Variants in ACSM3 observed in about 807,000 individuals in gnomAD.
The protein encoded by ACSM3 is acyl-CoA synthetase medium chain family member 3, also known as acyl-coenzyme A synthetase ACSM3, mitochondrial.
ACSM3 carries 61 observed loss-of-function variants against 74.1 expected under a neutral mutation model. That is an observed-to-expected ratio of 0.82 (90% CI 0.67 to 1.02). ACSM3 has a LOEUF of 1.02. Among genes scored for constraint, ACSM3 ranks in the 50% least tolerant of loss-of-function variants. The pLI, the probability that ACSM3 is intolerant of heterozygous loss-of-function variation, is 0.00. For synonymous variants in ACSM3, 213 were observed against 241.5 expected (o/e 0.88, Z 1.09); for missense variants, 660 against 697.0 (o/e 0.95, Z 0.60).
rs2080440738 is a variant in ACSM3, at chr16:20,785,022, G to A, written c.1058G>A (p.Gly353Glu). 3.7e-6 allele frequency: 6 copies of A among 1,613,662 alleles called. No individual in the cohort carries two copies. The highest frequency in any genetic ancestry group is 5.1e-6 in the Non-Finnish European group (6 of 1,179,712). The change falls in exon 8 of 14, where the codon GGG (glycine) becomes GAG (glutamate). Residue 353 changes from glycine to glutamate, a missense_variant. Transcript: ENST00000289416. ...AGCTTAAAGCACTGTGTGAGTGCTG[G>A]GGAACCAATTACCCCTGACGTGACT... ...FKSLKHCVSAGEPITPDVTEK... is the reference protein window; with the variant it reads ...FKSLKHCVSAEEPITPDVTEK...
At chr16:20,676,072 G>A (rs1369922475) in intron 1 of ACSM3, 1 of 152,174 alleles carries the variant, frequency 6.6e-6, no homozygotes, top group African/African-American at 2.4e-5. Context: ...CTTTACCAAG[G>A]CTAACTGCCC....
chr16:20,719,397 C>T, intron 1 of ACSM3: 1 of 240,192 alleles, frequency 4.2e-6, no homozygotes, highest in Non-Finnish European at 9.1e-6. Context: ...AAGTCATGTC[C>T]TCCAGCTAGA....
chr16:20,728,517 T>C lies in ACSM3; in HGVS notation c.-189-21393T>C, dbSNP rs569900667. ...ATGAGGATAGAAAGTGCTAGTCATG[T>C]CTTAATACAGACTTTGGTCCAAATT... On this transcript the variant is annotated intron_variant, in intron 1 of 3. Transcript: ENST00000561584. 59 of 869,958 alleles carry C rather than the reference T, an allele frequency of 6.8e-5. 1 individual carries two copies. In the South Asian group the frequency reaches 7.8e-4, roughly 11 times the overall value. 53.9% of individuals were successfully genotyped at this position (869,958 alleles called of 1,614,324 possible).
At chr16:20,741,908 A>G (rs1418345880) in intron 1 of ACSM3, 1 of 1,534,418 alleles carries the variant, frequency 6.5e-7, no homozygotes, top group Admixed American at 2.0e-5. Context: ...TGCAATCGTG[A>G]AAGGGGTGGA....
At chr16:20,784,871 G>A (rs2080436495) in intron 7 of ACSM3, 113 bp from the exon 8 acceptor site, 1 of 1,164,066 alleles carries the variant, frequency 8.6e-7, no homozygotes, top group Admixed American at 2.6e-5. Flanking sequence ...GCTAGGGAGA[G>A]GAATTAAAAA....
intron 3 of ACSM3, 120 bp downstream of exon 3, chr16:20,776,169 T>A: frequency 9.3e-7 from 1 of 1,079,704 alleles, no homozygotes; most frequent in Non-Finnish European, 1.3e-6. Context: ...AGAGTGCCTT[T>A]AAATTATATA....
chr16:20,700,889 G>A (rs1398641018), intron 1 of ACSM3, among the ~76,000 whole-genome samples: 2 of 152,158 alleles, frequency 1.3e-5, no homozygotes, highest in Non-Finnish European at 2.9e-5. Context: ...AGGCAAGAAT[G>A]GATGTGGGGA....
At chr16:20,737,196 C>A (rs2079877827) in intron 1 of ACSM3, 1 of 1,614,184 alleles carries the variant, frequency 6.2e-7, no homozygotes, top group Admixed American at 1.7e-5. Context: ...AACACTCAGG[C>A]AACAGACAGC....
rs372286008 is a variant in ACSM3 at position 20,770,091 on chromosome 16, A to G, written c.57A>G (p.Leu19=). ...MLRHAKCFQR[L]AIFGSVRALH... is the part of the protein sequence containing the mutation. ...GTCATGCCAAGTGTTTTCAGCGCCT[A>G]GCAATTTTTGGTTCTGTGAGGGCAC... Residue 19 remains leucine (L), a synonymous_variant, in exon 2 of 14, where the codon CTA becomes CTG. Coordinates refer to ENST00000289416, the MANE Select transcript of ACSM3 (RefSeq NM_005622.4). 1 of 1,614,064 alleles carries G rather than the reference A, an allele frequency of 6.2e-7. No individual in the cohort carries two copies. Among genetic ancestry groups the G allele is most frequent in the African/African-American group, 1.3e-5 (1 of 74,924 alleles).
chr16:20,790,883 C>T lies in ACSM3; in HGVS notation c.1326+195C>T, dbSNP rs754616494. 3.2e-5 allele frequency: 52 copies of T among 1,613,912 alleles called. No homozygotes were observed. In the East Asian group the frequency reaches 1.1e-3, roughly 35 times the overall value. On this transcript the variant is annotated intron_variant, in intron 10 of 13. Transcript: ENST00000289416. The surrounding 1 kb of genome is among the most constrained non-coding windows in gnomAD (Gnocchi z 4.0). ...TTGCTGAAGAAAAGCATGCTGGTCC[C>T]CTGAGGCCAGATCACTGTTCCAGGT...
At chr16:20,747,793 C>T (rs2079964039) in intron 1 of ACSM3, among the ~76,000 whole-genome samples, 1 of 152,200 alleles carries the variant, frequency 6.6e-6, no homozygotes. Context: ...GAACACTAGT[C>T]TTGAGTAAAA....
intron 1 of ACSM3, chr16:20,741,826 G>T (rs1261954932): frequency 6.5e-7 from 1 of 1,540,008 alleles, no homozygotes; most frequent in Admixed American, 2.0e-5. Flanking sequence ...GGTGACGTCG[G>T]ATATGAGCGA....
chr16:20,768,461 C>T (rs2080152007), intron 1 of ACSM3, among the ~76,000 whole-genome samples: 1 of 152,212 alleles, frequency 6.6e-6, no homozygotes, highest in Non-Finnish European at 1.5e-5. Flanking sequence ...GCATTTCTAA[C>T]AAGCTTCTAG....
Position 20,755,646 on chromosome 16 carries a change from T to A in ACSM3, c.-52+30T>A, listed in dbSNP as rs1466523688. On this transcript the variant is annotated intron_variant, in intron 3 of 3. Transcript: ENST00000561584. ...GTGCTTTTTATTATTATTATTATTA[T>A]TATTATACTTTAAGTTTTAGGGTAC... is the stretch of plus-strand genomic sequence containing the variant. 2.7e-5 allele frequency: 4 copies of A among 150,074 alleles called. No individual in the cohort carries two copies. In the South Asian group the frequency reaches 6.3e-4, roughly 24 times the overall value. 9.3% of individuals were successfully genotyped at this position (150,074 alleles called of 1,614,324 possible). A position where few individuals can be genotyped will look rare whatever the true frequency, so the allele number is the denominator to read the frequency against.
chr16:20,718,018 A>T (rs1313540592), intron 1 of ACSM3, among the ~76,000 whole-genome samples: 2 of 149,490 alleles, frequency 1.3e-5, no homozygotes, highest in East Asian at 3.9e-4. Context: ...GAAGAAGAAG[A>T]AGAAGAAGAA....
At chr16:20,698,354 T>G (rs1466063012) in intron 1 of ACSM3, among the ~76,000 whole-genome samples, 1 of 152,046 alleles carries the variant, frequency 6.6e-6, no homozygotes, top group Non-Finnish European at 1.5e-5. Context: ...TAGTCTCCCT[T>G]AAATGACAGC....
intron 1 of ACSM3, chr16:20,718,452 C>G: frequency 1.8e-6 from 1 of 543,822 alleles, no homozygotes; most frequent in Non-Finnish European, 2.8e-6. Context: ...TGGCCCAGCA[C>G]TCTCAGAGCA....
intron 1 of ACSM3, among the ~76,000 whole-genome samples, chr16:20,748,619 T>C (rs1167962490): frequency 6.6e-6 from 1 of 152,160 alleles, no homozygotes; most frequent in Non-Finnish European, 1.5e-5. Context: ...GAACGTTTGG[T>C]AGAGATAATT....
At chr16:20,766,629 G>A (rs1357385365) in intron 1 of ACSM3, 2 of 152,144 alleles carry the variant, frequency 1.3e-5, no homozygotes. Context: ...TGGAGGCTGA[G>A]GCAGGAGGAT....
Sources: gnomAD v4.1 joint callset for allele counts (sites outside exome capture counted in the v4.1 genomes callset) on GRCh38, gnomAD v4.1.1 for gene constraint, Gnocchi (gnomAD v3.1) non-coding constraint, MANE v1.5 for transcripts, NCBI Gene and HGNC (gene_info 2026-07-23, HGNC 2026-07-21) for gene names.